The following ADAMTSL1 variants were observed in gnomAD, a reference collection of about 807,000 sequenced individuals.
The protein encoded by ADAMTSL1 is ADAMTS like 1.
Under a neutral mutation model 201.8 loss-of-function variants are expected in ADAMTSL1, and 126 were observed. That is an observed-to-expected ratio of 0.62 (90% confidence interval 0.54 to 0.72). The LOEUF is 0.72. Ranked by LOEUF, ADAMTSL1 falls within the 30% of genes least tolerant of loss-of-function variation. The pLI is 0.00. For synonymous variants in ADAMTSL1, 1,121 were observed against 903.4 expected, an observed-to-expected ratio of 1.24 and a Z score of -4.32; for missense variants, 2,679 against 2,277.8, an observed-to-expected ratio of 1.18 and a Z score of -3.59.
At chr9:18,283,202 T>C (rs1472324376) in intron 2 of ADAMTSL1, among the ~76,000 whole-genome samples, 2 of 152,218 alleles carry the variant, frequency 1.3e-5, no homozygotes, top group African/African-American at 4.8e-5. Flanking sequence ...TACTCCTCTC[T>C]TTCTCTAGCA....
chr9:18,193,979 G>A (rs778250161), intron 2 of ADAMTSL1, among the ~76,000 whole-genome samples: 17 of 152,024 alleles, frequency 1.1e-4, no homozygotes, highest in Non-Finnish European at 1.9e-4. Context: ...GCTTCTTTTT[G>A]TTGTAGGTAA....
rs1308328637 is a variant in ADAMTSL1 at position 18,681,701 on chromosome 9, G to GA, written c.1342-111_1342-110insA. The GA allele has an allele frequency of 1.4e-4, 65 of 470,184 alleles. 1 individual carries two copies. The highest frequency in any genetic ancestry group is 3.2e-4 in the East Asian group (7 of 21,748). The allele number at this position is 470,184 out of a possible 1,614,324, so 29.1% of individuals were successfully genotyped here. A position where few individuals can be genotyped will look rare whatever the true frequency, so the allele number is the denominator to read the frequency against. ...AATTTACCAGGAGTCCTCGTGTGGG[G>GA]GGGGGGGGCGGGGAAAAAGAAAACT... On this transcript the variant is annotated intron_variant, in intron 11 of 28. Transcript: ENST00000380548.
At position 17,910,681 on chromosome 9, in the gene ADAMTSL1, G is replaced by T. The variant is rs536188423; in HGVS notation, c.87+3759G>T. 4.9e-4 allele frequency among the ~76,000 whole-genome samples: 34 copies of T among 68,900 alleles called. 12 individuals carry two copies. The highest frequency in any genetic ancestry group is 1.0e-3 in the African/African-American group (34 of 34,164). The allele number at this position is 68,900 out of a possible 152,430, so 45.2% of individuals were successfully genotyped here. A position where few individuals can be genotyped will look rare whatever the true frequency, so the allele number is the denominator to read the frequency against. ...AGAAAAGAGTTTAAAGTGGTAGATT[G>T]GTTCAGTATCCCGGTAAATGCAAAA... is the stretch of plus-strand genomic sequence containing the variant. On this transcript the variant is annotated intron_variant, in intron 1 of 29. Coordinates refer to the ADAMTSL1 transcript ENST00000680146.
At chr9:18,412,438 C>G (rs893920104) in intron 2 of ADAMTSL1, among the ~76,000 whole-genome samples, 1 of 152,198 alleles carries the variant, frequency 6.6e-6, no homozygotes, top group Non-Finnish European at 1.5e-5. Context: ...TGATGATTCT[C>G]TCATTCTATC....
At chr9:18,613,037 A>G (rs1472972326) in intron 4 of ADAMTSL1, among the ~76,000 whole-genome samples, 1 of 152,220 alleles carries the variant, frequency 6.6e-6, no homozygotes, top group African/African-American at 2.4e-5. Flanking sequence ...AATGCCATTA[A>G]AAGATGGGTA....
chr9:18,128,678 T>C (rs953012430), intron 1 of ADAMTSL1, among the ~76,000 whole-genome samples: 4 of 152,144 alleles, frequency 2.6e-5, no homozygotes. Flanking sequence ...ATCACTAGGA[T>C]TCTAGAAATT....
chr9:18,864,515 C>T (rs1181825453), intron 23 of ADAMTSL1, among the ~76,000 whole-genome samples: 1 of 152,148 alleles, frequency 6.6e-6, no homozygotes, highest in Admixed American at 6.5e-5. Flanking sequence ...TATAATGACC[C>T]TTGTATTGTG....
At chr9:18,453,396 A>G (rs1448143147) in intron 2 of ADAMTSL1, among the ~76,000 whole-genome samples, 1 of 152,032 alleles carries the variant, frequency 6.6e-6, no homozygotes, top group African/African-American at 2.4e-5. Flanking sequence ...TCTCTTATTG[A>G]CTTAATGATC....
At chr9:18,434,003 G>A (rs1041187547) in intron 2 of ADAMTSL1, among the ~76,000 whole-genome samples, 2 of 152,176 alleles carry the variant, frequency 1.3e-5, no homozygotes, top group African/African-American at 4.8e-5. Context: ...ACACAGGTAG[G>A]TTATCATAAC....
chr9:18,555,693 G>T (rs1052469834), intron 3 of ADAMTSL1, among the ~76,000 whole-genome samples: 3 of 152,092 alleles, frequency 2.0e-5, no homozygotes, highest in Non-Finnish European at 4.4e-5. Context: ...CAGAGAAGGA[G>T]ACCAGGAAGT....
At chr9:18,210,041 C>T (rs1202297457) in intron 2 of ADAMTSL1, among the ~76,000 whole-genome samples, 1 of 152,048 alleles carries the variant, frequency 6.6e-6, no homozygotes, top group East Asian at 1.9e-4. Flanking sequence ...GGCTACATTG[C>T]TATCTCATGT....
At chr9:18,574,557 TC>T (rs1440827569) in intron 4 of ADAMTSL1, 1 of 543,852 alleles carries the variant, frequency 1.8e-6, no homozygotes, top group African/African-American at 1.9e-5. Context: ...TTTGAAATTA[TC>T]CCCTGGATTG....
At chr9:18,756,102 T>C (rs1278902508) in intron 16 of ADAMTSL1, among the ~76,000 whole-genome samples, 2 of 73,812 alleles carry the variant, frequency 2.7e-5, no homozygotes, top group African/African-American at 5.1e-5. Context: ...TATATATATA[T>C]ATATATATAT....
chr9:18,644,341 G>A (rs1037245566), intron 7 of ADAMTSL1, among the ~76,000 whole-genome samples: 1 of 151,420 alleles, frequency 6.6e-6, no homozygotes, highest in African/African-American at 2.4e-5. Context: ...AATCAGAATG[G>A]CCACTTGTCA....
chr9:18,169,571 C>T (rs1827796687), intron 2 of ADAMTSL1, among the ~76,000 whole-genome samples: 1 of 152,038 alleles, frequency 6.6e-6, no homozygotes, highest in Non-Finnish European at 1.5e-5. Context: ...ATGCCTCCAG[C>T]TTTGTTCTTT....
intron 23 of ADAMTSL1, among the ~76,000 whole-genome samples, chr9:18,833,255 G>C (rs1460588458): frequency 6.6e-6 from 1 of 152,202 alleles, no homozygotes. Context: ...TGATATTTCT[G>C]TCTTTAGGTC....
intron 2 of ADAMTSL1, among the ~76,000 whole-genome samples, chr9:18,529,982 A>G (rs554047497): frequency 6.6e-6 from 1 of 152,276 alleles, no homozygotes; most frequent in African/African-American, 2.4e-5. Flanking sequence ...TTCTGTGCAG[A>G]TATCTCCTAT....
At position 18,314,857 on chromosome 9, in the gene ADAMTSL1, C is replaced by T. The variant is rs1488805060; in HGVS notation, c.207+150876C>T. 2.5e-5 allele frequency among the ~76,000 whole-genome samples: 3 copies of T among 119,898 alleles called. No individual in the cohort carries two copies. In the East Asian group the frequency reaches 8.7e-4, roughly 35 times the overall value. 78.7% of individuals were successfully genotyped at this position (119,898 alleles called of 152,430 possible). On this transcript the variant is annotated intron_variant, in intron 2 of 29. Coordinates refer to the ADAMTSL1 transcript ENST00000680146. ...TGTCGCCCAGGCTGGAGTGCAGTGG[C>T]GCGATCTCGGCTCACTGCAAGCTCC...
At chr9:17,907,178 G>T (rs1276521794) in intron 1 of ADAMTSL1, among the ~76,000 whole-genome samples, 2 of 152,162 alleles carry the variant, frequency 1.3e-5, no homozygotes, top group African/African-American at 4.8e-5. Context: ...CCTTACCTGG[G>T]TCCTGCTTCC....
Sources: allele counts gnomAD v4.1 joint callset (sites outside exome capture counted in the v4.1 genomes callset), GRCh38; gene constraint gnomAD v4.1.1; transcripts MANE v1.5; gene names NCBI Gene and HGNC (gene_info 2026-07-23, HGNC 2026-07-21).